CPSF4: variants seen among roughly 807,000 people sequenced by gnomAD.
CPSF4 encodes cleavage and polyadenylation specific factor 4, also known as cleavage and polyadenylation specificity factor subunit 4.
A neutral mutation model predicts 37.7 loss-of-function variants in CPSF4; 11 were observed. That is an observed-to-expected ratio of 0.29 (90% confidence interval 0.18 to 0.48). The LOEUF (loss-of-function observed/expected upper bound fraction) is 0.48, where lower values mean the gene tolerates loss of function less well. CPSF4 is among the 20% of genes least tolerant of loss of function. The probability of loss-of-function intolerance (pLI) is 0.99; values close to 1 mark genes in which losing one functional copy is unlikely to be tolerated. For missense variants in CPSF4, 144 were observed against 359.5 expected (o/e 0.40, Z 4.85); for synonymous variants, 132 against 135.9 (o/e 0.97, Z 0.20).
At chr7:99,455,819 C>T (rs1798267638) in intron 7 of CPSF4, among the ~76,000 whole-genome samples, 1 of 152,250 alleles carries the variant, frequency 6.6e-6, no homozygotes, top group Non-Finnish European at 1.5e-5. Flanking sequence ...ATCGTCCCAT[C>T]TCTCTGATCC....
Position 99,448,459 on chromosome 7 carries a change from C to A in CPSF4, c.307+186C>A. The A allele has an allele frequency of 2.2e-5, 7 of 320,900 alleles. No individual in the cohort carries two copies. Among genetic ancestry groups the A allele is most frequent in the Middle Eastern group, 9.3e-4 (1 of 1,076 alleles). The allele number at this position is 320,900 out of a possible 1,614,324, so 19.9% of individuals were successfully genotyped here. ...CAGTGTGGCTATTTTCTGCTCATCT[C>A]TTTTTTTTTTTTTTTTTTTTTAAAG... On this transcript the variant is annotated intron_variant, in intron 3 of 7. Transcript: ENST00000292476. This position sits in a 1 kb window ranked among gnomAD's most constrained non-coding sequence, Gnocchi z 4.4.
In CPSF4 at chr7:99,439,035, T is replaced by C; in HGVS notation, c.-48T>C. The C allele has an allele frequency of 6.4e-7, 1 of 1,552,570 alleles. No individual in the cohort carries two copies. The highest frequency in any genetic ancestry group is 1.8e-5 in the Admixed American group (1 of 54,302). On this transcript the variant is annotated 5_prime_UTR_variant, in exon 1 of 8. Coordinates refer to ENST00000292476, the MANE Select transcript of CPSF4 (RefSeq NM_006693.4). ...CGGCGGCGGGTAAAGGCGAGAAGGC[T>C]GCAGGAGACCGAGGGGGAGCCGGGC...
In CPSF4 at chr7:99,456,437, C is replaced by T. The variant is rs767929343; in HGVS notation, c.747C>T (p.Gly249=). Residue 249 remains glycine (G), a synonymous_variant, in exon 8 of 8, where the codon GGC becomes GGT. Coordinates refer to ENST00000292476, the MANE Select transcript of CPSF4 (RefSeq NM_006693.4). ...PLEQVTCYKC[G]EKGHYANRCT... ...CCACTTCCTGCTGTTCCCAGTGTGG[C>T]GAGAAAGGACACTACGCCAACAGAT... The T allele has an allele frequency of 2.5e-6, 4 of 1,614,078 alleles. No homozygotes were observed. Among genetic ancestry groups the T allele is most frequent in the African/African-American group, 1.3e-5 (1 of 75,060 alleles).
In CPSF4 at chr7:99,450,780, C is replaced by T. The variant is rs560365724; in HGVS notation, c.482C>T (p.Ser161Leu). 5.0e-6 allele frequency: 8 copies of T among 1,613,290 alleles called. No homozygotes were observed. Among genetic ancestry groups the T allele is most frequent in the South Asian group, 2.2e-5 (2 of 91,062 alleles). The change falls in exon 5 of 8, where the codon TCG becomes TTG. Residue 161 changes from serine (S) to leucine (L), a missense_variant. Physicochemically the swap from Ser to Leu is moderately radical, Grantham distance 145. Transcript: ENST00000292476. Reference protein sequence around the residue: ...YLVGFCPEGPSCKFMHPRFEL... With the variant: ...YLVGFCPEGPLCKFMHPRFEL... The stretch of plus-strand genomic sequence containing the variant: ...GTGGGATTCTGCCCGGAGGGGCCCT[C>T]GTGTAAATTCATGCAGTGAGTAGCC...
intron 1 of CPSF4, chr7:99,441,371 T>G: frequency 2.2e-6 from 1 of 456,098 alleles, no homozygotes; most frequent in Non-Finnish European, 4.4e-6. Context: ...GGAGGTACAG[T>G]GGCGAGGGGC....
chr7:99,444,337 A>T (rs1032305000), intron 1 of CPSF4, among the ~76,000 whole-genome samples: 2 of 152,086 alleles, frequency 1.3e-5, no homozygotes, highest in Non-Finnish European at 2.9e-5. Context: ...GGCACCTGTA[A>T]TCCCAGCTAC....
chr7:99,453,178 A>T lies in CPSF4; in HGVS notation c.570+738A>T, dbSNP rs955521251. The T allele has an allele frequency of 4.6e-5, 7 of 152,620 alleles. No individual in the cohort carries two copies. Among genetic ancestry groups the T allele is most frequent in the Non-Finnish European group, 4.4e-5 (3 of 68,372 alleles). The allele number at this position is 152,620 out of a possible 1,614,324, so 9.5% of individuals were successfully genotyped here. A position where few individuals can be genotyped will look rare whatever the true frequency, so the allele number is the denominator to read the frequency against. On this transcript the variant is annotated intron_variant, in intron 6 of 7. Coordinates refer to ENST00000292476, the MANE Select transcript of CPSF4 (RefSeq NM_006693.4). This position sits in a 1 kb window ranked among gnomAD's most constrained non-coding sequence, Gnocchi z 4.7. The stretch of plus-strand genomic sequence containing the variant: ...GGGCGGGCATCAGGCAGGGTTCCCA[A>T]CAGGCCCATCAAGCCCAACCACCTC...
intron 5 of CPSF4, among the ~76,000 whole-genome samples, chr7:99,451,788 G>A (rs1054195747): frequency 5.9e-5 from 9 of 152,178 alleles, no homozygotes; most frequent in African/African-American, 2.2e-4. Flanking sequence ...CCACAGACAA[G>A]CCTCCCTTCC....
At chr7:99,449,066 T>C (rs931969925) in intron 3 of CPSF4, 3 of 152,290 alleles carry the variant, frequency 2.0e-5, no homozygotes, top group African/African-American at 7.2e-5. Flanking sequence ...ACTTCCAGGT[T>C]TCCCGGGAAG....
At chr7:99,452,507 C>A in intron 6 of CPSF4, 67 bp downstream of exon 6, 1 of 1,429,408 alleles carries the variant, frequency 7.0e-7, no homozygotes, top group Non-Finnish European at 9.9e-7. Flanking sequence ...TCAGTGTCCC[C>A]CAGGGGTGTG....
chr7:99,452,487 A>T (rs761668648), intron 6 of CPSF4, 47 bp downstream of exon 6: 28 of 1,536,136 alleles, frequency 1.8e-5, no homozygotes, highest in Non-Finnish European at 2.5e-5. Flanking sequence ...CCTTTTCTAC[A>T]GCGAGAACCT....
At chr7:99,450,600 C>A in intron 4 of CPSF4, 102 bp from the exon 5 acceptor site, 1 of 1,000,140 alleles carries the variant, frequency 1.0e-6, no homozygotes, top group Non-Finnish European at 1.6e-6. Context: ...GAGGTCCCTG[C>A]CCCGTCTCCC....
At chr7:99,446,896 TCTC>T (rs1797550371) in intron 2 of CPSF4, among the ~76,000 whole-genome samples, 1 of 146,912 alleles carries the variant, frequency 6.8e-6, no homozygotes, top group Admixed American at 6.8e-5. Context: ...TTCAAGCAAT[TCTC>T]CTGCCTCAGC....
In CPSF4 at chr7:99,440,378, G is replaced by T. The variant is rs894756077; in HGVS notation, c.103+1193G>T. ...TTGTTTGTTTGCTTTTGAGACAGGGGCCCCTCTGTCGCCCAGGCTGGGTGC... is the reference window on the plus strand; with the variant it reads ...TTGTTTGTTTGCTTTTGAGACAGGGTCCCCTCTGTCGCCCAGGCTGGGTGC... On this transcript the variant is annotated intron_variant, in intron 1 of 7. Coordinates refer to ENST00000292476, the MANE Select transcript of CPSF4 (RefSeq NM_006693.4). Among the ~76,000 whole-genome samples, 4 of 151,874 alleles carry T rather than the reference G, an allele frequency of 2.6e-5. No individual in the cohort carries two copies. The East Asian group carries it at 7.7e-4, about 29-fold the overall frequency.
At chr7:99,455,626 G>A (rs547353537) in intron 7 of CPSF4, among the ~76,000 whole-genome samples, 18 of 152,358 alleles carry the variant, frequency 1.2e-4, no homozygotes, top group Non-Finnish European at 2.5e-4. Flanking sequence ...GTGGGTGTCA[G>A]TACAGAGTCA....
chr7:99,447,333 A>C (rs1442657456), intron 2 of CPSF4, among the ~76,000 whole-genome samples: 1 of 141,026 alleles, frequency 7.1e-6, no homozygotes. Context: ...CAATGGCGTG[A>C]TCTCCGGTCA....
chr7:99,441,091 T>TA (rs1369262387), intron 1 of CPSF4, among the ~76,000 whole-genome samples: 1 of 151,710 alleles, frequency 6.6e-6, no homozygotes, highest in Non-Finnish European at 1.5e-5. Flanking sequence ...GCTGGGATTA[T>TA]AGGCGCCCAC....
rs189479313 is a variant in CPSF4 at position 99,456,908 on chromosome 7, C to T, written c.*408C>T. The T allele has an allele frequency of 2.3e-5, 8 of 353,244 alleles. No individual in the cohort carries two copies. The highest frequency in any genetic ancestry group is 1.6e-4 in the South Asian group (7 of 44,804). 21.9% of individuals were successfully genotyped at this position (353,244 alleles called of 1,614,324 possible). Reference sequence around the variant, plus strand: ...AGGTCATTCAAAGCTGTGGCCAGCTCACGCCTGCTTCCTCCCTCCCTGCCC... The same window carrying T: ...AGGTCATTCAAAGCTGTGGCCAGCTTACGCCTGCTTCCTCCCTCCCTGCCC... On this transcript the variant is annotated 3_prime_UTR_variant, in exon 8 of 8. Transcript: ENST00000292476.
Position 99,440,670 on chromosome 7 carries a change from ATATAT to A in CPSF4, c.103+1487_103+1491del, listed in dbSNP as rs1796852083. ...CTGCACCTGGCATATATATATATATATATATTTTTTTTTTTTTTTTTTTCCTGCCT... is the reference window on the plus strand; with the variant it reads ...CTGCACCTGGCATATATATATATATATTTTTTTTTTTTTTTTTTCCTGCCT... On this transcript the variant is annotated intron_variant, in intron 1 of 7. Coordinates refer to ENST00000292476, the MANE Select transcript of CPSF4 (RefSeq NM_006693.4). Among the ~76,000 whole-genome samples, 11 of 82,682 alleles carry A rather than the reference ATATAT, an allele frequency of 1.3e-4. No individual in the cohort carries two copies. In the African/African-American group the frequency reaches 1.4e-3, roughly 10 times the overall value. 54.2% of individuals were successfully genotyped at this position (82,682 alleles called of 152,430 possible).
Sources: allele counts gnomAD v4.1 joint callset (sites outside exome capture counted in the v4.1 genomes callset), GRCh38; gene constraint gnomAD v4.1.1; non-coding constraint Gnocchi (gnomAD v3.1); transcripts MANE v1.5; gene names NCBI Gene and HGNC (gene_info 2026-07-23, HGNC 2026-07-21).